Variants in ZNF614 observed in about 807,000 individuals in gnomAD.
The protein encoded by ZNF614 is zinc finger protein 614.
ZNF614 carries 11 observed loss-of-function variants against 12.8 expected under a neutral mutation model. The ratio of observed to expected loss-of-function variants is 0.86; its 90% CI spans 0.54 to 1.43. ZNF614 has a LOEUF of 1.43. ZNF614 is among the 40% of genes most tolerant of loss of function. The pLI, the probability that ZNF614 is intolerant of heterozygous loss-of-function variation, is 0.00. For missense variants in ZNF614, 664 were observed against 708.8 expected (o/e 0.94, Z 0.72); for synonymous variants, 237 against 237.5 (o/e 1.00, Z 0.02).
Position 52,025,897 on chromosome 19 carries a change from C to A in ZNF614, c.-152G>T, listed in dbSNP as rs140351655. On this transcript the variant is annotated 5_prime_UTR_variant, in exon 2 of 5. Transcript: ENST00000270649. ...AAATTATGATATCCAAGGCCAGCAA[C>A]CTCCTTCTTCTTCCTTCATTGCTTC... is the stretch of plus-strand genomic sequence containing the variant. The A allele has an allele frequency of 1.3e-6, 1 of 754,218 alleles. No individual in the cohort carries two copies. The highest frequency in any genetic ancestry group is 2.2e-6 in the Non-Finnish European group (1 of 460,898). The allele number at this position is 754,218 out of a possible 1,614,324, so 46.7% of individuals were successfully genotyped here.
At chr19:52,022,648 G>A (rs2086939643) in intron 2 of ZNF614, among the ~76,000 whole-genome samples, 1 of 150,948 alleles carries the variant, frequency 6.6e-6, no homozygotes. Context: ...ACAAGTCCTG[G>A]GCTACCAGTA....
rs2086891583 is a variant in ZNF614, at chr19:52,015,690, C to T, written c.*150G>A. The stretch of plus-strand genomic sequence containing the variant: ...TTGATCTCTAGGGCAAATTATTTCA[C>T]CTCCTGAGGACAGACACACATCTGT... On this transcript the variant is annotated 3_prime_UTR_variant, in exon 5 of 5. Transcript: ENST00000270649. 7.8e-5 allele frequency: 56 copies of T among 714,024 alleles called. No homozygotes were observed. The South Asian group carries it at 1.1e-3, about 14-fold the overall frequency. 44.2% of individuals were successfully genotyped at this position (714,024 alleles called of 1,614,324 possible). A position where few individuals can be genotyped will look rare whatever the true frequency, so the allele number is the denominator to read the frequency against.
intron 4 of ZNF614, 157 bp from the exon 5 acceptor site, chr19:52,017,516 A>G: frequency 3.2e-6 from 2 of 631,858 alleles, no homozygotes; most frequent in East Asian, 2.9e-5. Flanking sequence ...AGCCTGACCA[A>G]TGTGGTGAAA....
At position 52,016,813 on chromosome 19, in the gene ZNF614, T is replaced by C. The variant is rs374687937; in HGVS notation, c.785A>G (p.Asn262Ser). Residue 262 changes from asparagine (N) to serine (S), a missense_variant, in exon 5 of 5, where the codon AAT becomes AGT. Physicochemically the swap from Asn to Ser is conservative, Grantham distance 46. Coordinates refer to ENST00000270649, the MANE Select transcript of ZNF614 (RefSeq NM_025040.4). ...CACAGTAGAGCCTTTTCTATATTCA[T>C]TGGGTATACAGATTTTGTCTGTTGT... Reference protein sequence around the residue: ...TNTTDKICIPNEYRKGSTVKS... With the variant: ...TNTTDKICIPSEYRKGSTVKS... 3.9e-5 allele frequency: 63 copies of C among 1,613,788 alleles called. No homozygotes were observed. The highest frequency in any genetic ancestry group is 1.6e-4 in the Middle Eastern group (1 of 6,082).
At position 52,017,244 on chromosome 19, in the gene ZNF614, C is replaced by T. The variant is rs776365255; in HGVS notation, c.354G>A (p.Lys118=). ...NTLRNIVHLS[K]THFPIVQNHD... is the part of the protein sequence containing the mutation. ...GATTTTGCACTATAGGAAAATGTGT[C>T]TTGCTGAGATGTACAATATTTCTAA... is the stretch of plus-strand genomic sequence containing the variant. Residue 118 remains lysine (K), a synonymous_variant, in exon 5 of 5, where the codon AAG becomes AAA. Transcript: ENST00000270649. 6.2e-7 allele frequency: 1 copy of T among 1,614,060 alleles called. No homozygotes were observed. The highest frequency in any genetic ancestry group is 8.5e-7 in the Non-Finnish European group (1 of 1,180,030).
intron 2 of ZNF614, among the ~76,000 whole-genome samples, chr19:52,023,677 C>T (rs1349196263): frequency 6.6e-6 from 1 of 152,160 alleles, no homozygotes; most frequent in East Asian, 1.9e-4. Context: ...CATACTGTGC[C>T]ATGAACTGGG....
rs563741357 is a variant in ZNF614 at position 52,026,719 on chromosome 19, G to A, written c.-216-758C>T. 3.3e-4 allele frequency among the ~76,000 whole-genome samples: 51 copies of A among 152,242 alleles called. 1 individual carries two copies. Among genetic ancestry groups the A allele is most frequent in the Middle Eastern group, 3.4e-3 (1 of 294 alleles). ...GGCATCTGTCTCCTCCTCGTCCCTG[G>A]GAATGGAATGTCTCCGTGTAAAACC... On this transcript the variant is annotated intron_variant, in intron 1 of 4. Transcript: ENST00000270649.
At position 52,015,151 on chromosome 19, in the gene ZNF614, A is replaced by G. The variant is rs2086888465; in HGVS notation, c.*689T>C. On this transcript the variant is annotated 3_prime_UTR_variant, in exon 5 of 5. Coordinates refer to ENST00000270649, the MANE Select transcript of ZNF614 (RefSeq NM_025040.4). ...TTTAAGGTTATACTTATTAAGAAAA[A>G]GCACTCAAATATTCATCATTTTCAC... 1 of 149,978 alleles carries G rather than the reference A, an allele frequency of 6.7e-6. No homozygotes were observed. Among genetic ancestry groups the G allele is most frequent in the South Asian group, 2.2e-4 (1 of 4,612 alleles). The allele number at this position is 149,978 out of a possible 1,614,324, so 9.3% of individuals were successfully genotyped here. A position where few individuals can be genotyped will look rare whatever the true frequency, so the allele number is the denominator to read the frequency against.
chr19:52,027,707 G>A (rs1384864472), intron 1 of ZNF614, among the ~76,000 whole-genome samples: 1 of 152,106 alleles, frequency 6.6e-6, no homozygotes, highest in African/African-American at 2.4e-5. Flanking sequence ...GTATATATAA[G>A]AATATGATAA....
At position 52,015,985 on chromosome 19, in the gene ZNF614, G is replaced by A. The variant is rs765567946; in HGVS notation, c.1613C>T (p.Pro538Leu). The A allele has an allele frequency of 1.1e-5, 18 of 1,614,140 alleles. No homozygotes were observed. The highest frequency in any genetic ancestry group is 2.2e-5 in the South Asian group (2 of 91,084). ...TTTCTCACAATCACTGCATCCATAC[G>A]GCCTCTCTCCTGTATGCGTTCTTTG... ...VHQRTHTGER[P>L]YGCSDCEKAF... Residue 538 changes from proline to leucine, a missense_variant, in exon 5 of 5, where the codon CCG becomes CTG. Physicochemically the swap from Pro to Leu is moderately conservative, Grantham distance 98 (BLOSUM62 -3). Coordinates refer to ENST00000270649, the MANE Select transcript of ZNF614 (RefSeq NM_025040.4).
chr19:52,027,991 T>C (rs956684659), intron 1 of ZNF614, among the ~76,000 whole-genome samples: 8 of 152,244 alleles, frequency 5.3e-5, no homozygotes, highest in South Asian at 2.1e-4. Flanking sequence ...TAGGGCCTCA[T>C]GGGAAGGGAA....
chr19:52,023,085 A>G (rs2086942374), intron 2 of ZNF614, among the ~76,000 whole-genome samples: 1 of 150,650 alleles, frequency 6.6e-6, no homozygotes, highest in African/African-American at 2.4e-5. Flanking sequence ...TCTCAAAAAA[A>G]AAAAAAGAAA....
rs761165088 is a variant in ZNF614 at position 52,016,657 on chromosome 19, G to C, written c.941C>G (p.Pro314Arg). 1 of 1,614,048 alleles carries C rather than the reference G, an allele frequency of 6.2e-7. No homozygotes were observed. Among genetic ancestry groups the C allele is most frequent in the Non-Finnish European group, 8.5e-7 (1 of 1,180,044 alleles). ...AHQRTHSGEKPYVCKECGKGF... is the reference protein window; with the variant it reads ...AHQRTHSGEKRYVCKECGKGF... The stretch of plus-strand genomic sequence containing the variant: ...TTTTCCACATTCTTTGCACACATAA[G>C]GTTTCTCTCCACTATGAGTTCGCTG... The change falls in exon 5 of 5, where the codon CCT becomes CGT. Residue 314 changes from proline (P) to arginine (R), a missense_variant. By Grantham distance (103) the Pro-to-Arg change is moderately radical. Coordinates refer to ENST00000270649, the MANE Select transcript of ZNF614 (RefSeq NM_025040.4).
chr19:52,018,552 A>C (rs563223928), intron 2 of ZNF614, 58 bp from the exon 3 acceptor site: 1 of 1,507,714 alleles, frequency 6.6e-7, no homozygotes, highest in Non-Finnish European at 8.9e-7. Flanking sequence ...ATATAGAAGT[A>C]TAAGATAATT....
In ZNF614 at chr19:52,016,607, T is replaced by G. The variant is rs1417553901; in HGVS notation, c.991A>C (p.Ile331Leu). The G allele has an allele frequency of 1.2e-6, 2 of 1,614,198 alleles. No homozygotes were observed. Among genetic ancestry groups the G allele is most frequent in the South Asian group, 2.2e-5 (2 of 91,086 alleles). The change falls in exon 5 of 5, where the codon ATT becomes CTT. Residue 331 changes from isoleucine to leucine, a missense_variant. By Grantham distance (5) the Ile-to-Leu change is conservative. Transcript: ENST00000270649. ...GKGFTVKSNL[I>L]VHQRTHTGEK... is the part of the protein sequence containing the mutation. ...CCTGTATGAGTTCGCTGATGTACAA[T>G]GAGATTGCTCTTCACAGTGAAACCT...
At position 52,025,769 on chromosome 19, in the gene ZNF614, T is replaced by C. The variant is rs201879779; in HGVS notation, c.-24A>G. Reference sequence around the variant, plus strand: ...ATTTTCTTCTGTGCTCAGAAAATAGTGGATAACATGGACTATACGTCTTTG... The same window carrying C: ...ATTTTCTTCTGTGCTCAGAAAATAGCGGATAACATGGACTATACGTCTTTG... On this transcript the variant is annotated 5_prime_UTR_variant, in exon 2 of 5. Coordinates refer to ENST00000270649, the MANE Select transcript of ZNF614 (RefSeq NM_025040.4). 279 of 1,613,310 alleles carry C rather than the reference T, an allele frequency of 1.7e-4. 2 individuals are homozygous for C. Among genetic ancestry groups the C allele is most frequent in the Non-Finnish European group, 1.1e-4 (130 of 1,179,612 alleles).
At chr19:52,027,566 G>A (rs932331038) in intron 1 of ZNF614, among the ~76,000 whole-genome samples, 2 of 152,200 alleles carry the variant, frequency 1.3e-5, no homozygotes, top group African/African-American at 4.8e-5. Flanking sequence ...AGGAGCTGGA[G>A]ATTGAAGTCA....
intron 3 of ZNF614, 60 bp from the exon 4 acceptor site, chr19:52,018,163 G>T: frequency 6.7e-7 from 1 of 1,494,392 alleles, no homozygotes; most frequent in Non-Finnish European, 9.3e-7. Context: ...TGTCAAGATG[G>T]AAAAATAATA....
intron 1 of ZNF614, among the ~76,000 whole-genome samples, chr19:52,026,289 G>A (rs1290007702): frequency 6.6e-6 from 1 of 152,204 alleles, no homozygotes; most frequent in East Asian, 1.9e-4. Context: ...ATTTTGTTCT[G>A]TACTAAGAGA....
Sources: allele counts gnomAD v4.1 joint callset (sites outside exome capture counted in the v4.1 genomes callset), GRCh38; gene constraint gnomAD v4.1.1; transcripts MANE v1.5; gene names NCBI Gene and HGNC (gene_info 2026-07-23, HGNC 2026-07-21).